Variants in AGBL4 observed in about 807,000 individuals in gnomAD.
AGBL4 encodes cytosolic carboxypeptidase 6.
Under a neutral mutation model 66.4 loss-of-function variants are expected in AGBL4, and 58 were observed. That is an observed-to-expected ratio of 0.87 (90% CI 0.71 to 1.09). The LOEUF (loss-of-function observed/expected upper bound fraction) is 1.09. Ranked by LOEUF, AGBL4 falls within the 50% of genes least tolerant of loss-of-function variation. AGBL4 has a pLI of 0.00. For synonymous variants in AGBL4, 234 were observed against 222.9 expected (o/e 1.05, Z -0.44); for missense variants, 579 against 631.0 (o/e 0.92, Z 0.88).
chr1:49,045,249 T>A (rs1434857710), intron 5 of AGBL4, among the ~76,000 whole-genome samples: 3 of 152,172 alleles, frequency 2.0e-5, no homozygotes, highest in Non-Finnish European at 4.4e-5. Context: ...AGCAAAAGTC[T>A]CCTTTTCTCT....
At chr1:48,737,197 T>G (rs1335853756) in intron 6 of AGBL4, among the ~76,000 whole-genome samples, 1 of 151,926 alleles carries the variant, frequency 6.6e-6, no homozygotes, top group African/African-American at 2.4e-5. Flanking sequence ...GGCAAGAGAA[T>G]CGCTTGAACC....
chr1:49,816,513 T>A (rs1354368633), intron 2 of AGBL4, among the ~76,000 whole-genome samples: 1 of 152,092 alleles, frequency 6.6e-6, no homozygotes. Context: ...TAGATATGAG[T>A]ATAGACATGG....
chr1:48,638,340 G>A (rs762158966), intron 8 of AGBL4, among the ~76,000 whole-genome samples: 15 of 152,192 alleles, frequency 9.9e-5, no homozygotes, highest in Non-Finnish European at 2.9e-5. Flanking sequence ...CTCACCAGCT[G>A]TGTGATCTTT....
chr1:49,013,901 A>G (rs1662632276), intron 5 of AGBL4, among the ~76,000 whole-genome samples: 1 of 152,178 alleles, frequency 6.6e-6, no homozygotes, highest in Non-Finnish European at 1.5e-5. Flanking sequence ...CTTAAGGTCT[A>G]CATTCTCTAG....
chr1:49,673,863 G>T (rs77767711), intron 3 of AGBL4, among the ~76,000 whole-genome samples: 4,174 of 152,018 alleles, frequency 0.027, 163 homozygotes, highest in African/African-American at 0.095. Context: ...TGCTGGAGAA[G>T]AAGTGCCTAA....
chr1:49,406,825 G>A (rs1036565380), intron 3 of AGBL4, among the ~76,000 whole-genome samples: 1 of 151,816 alleles, frequency 6.6e-6, no homozygotes, highest in Non-Finnish European at 1.5e-5. Context: ...CAGCACTTTG[G>A]GAGGCCGAGG....
At chr1:49,095,558 T>C (rs1464279426) in intron 4 of AGBL4, among the ~76,000 whole-genome samples, 7 of 152,174 alleles carry the variant, frequency 4.6e-5, no homozygotes, top group Non-Finnish European at 8.8e-5. Flanking sequence ...ATCGGATCTT[T>C]GACAAACCTG....
chr1:48,892,516 C>A (rs996150813), intron 5 of AGBL4, among the ~76,000 whole-genome samples: 4 of 152,020 alleles, frequency 2.6e-5, no homozygotes, highest in African/African-American at 9.7e-5. Flanking sequence ...TGATAAACAT[C>A]AATCAACATA....
intron 3 of AGBL4, among the ~76,000 whole-genome samples, chr1:49,547,568 C>T (rs761942414): frequency 3.3e-5 from 5 of 152,064 alleles, no homozygotes; most frequent in African/African-American, 7.2e-5. Flanking sequence ...ATGGGGATAG[C>T]GTTGAATTTG....
At chr1:49,009,782 T>C (rs1372107522) in intron 5 of AGBL4, among the ~76,000 whole-genome samples, 1 of 151,836 alleles carries the variant, frequency 6.6e-6, no homozygotes, top group Non-Finnish European at 1.5e-5. Context: ...AAAAACCACA[T>C]GATTATCTCA....
chr1:49,639,975 A>G (rs943798514), intron 3 of AGBL4, among the ~76,000 whole-genome samples: 1 of 152,132 alleles, frequency 6.6e-6, no homozygotes, highest in African/African-American at 2.4e-5. Context: ...TCAGTTTTCT[A>G]TGACTGAAGA....
chr1:49,784,688 GA>G (rs1644411270), intron 2 of AGBL4, among the ~76,000 whole-genome samples: 1 of 151,442 alleles, frequency 6.6e-6, no homozygotes, highest in Admixed American at 6.6e-5. Flanking sequence ...GTGATACTAT[GA>G]AGAAAATGAA....
chr1:48,982,829 G>C (rs1360412262), intron 5 of AGBL4, among the ~76,000 whole-genome samples: 1 of 152,074 alleles, frequency 6.6e-6, no homozygotes, highest in Non-Finnish European at 1.5e-5. Context: ...GAGTGTAAAA[G>C]TGTTCCTATT....
chr1:48,899,421 G>GTTT lies in AGBL4; in HGVS notation c.595-32194_595-32192dup, dbSNP rs113628909. Among the ~76,000 whole-genome samples, 603 of 149,028 alleles carry GTTT rather than the reference G, an allele frequency of 4.0e-3. 1 individual carries two copies. Among genetic ancestry groups the GTTT allele is most frequent in the East Asian group, 7.9e-3 (40 of 5,094 alleles). On this transcript the variant is annotated intron_variant, in intron 5 of 13. Transcript: ENST00000371839. The stretch of plus-strand genomic sequence containing the variant: ...GAAATTCTCAAACAATAAGTTAATA[G>GTTT]TTTTTTTTTTTTTCTCAGCTTCTCC...
chr1:48,882,477 T>G (rs1019582563), intron 5 of AGBL4, among the ~76,000 whole-genome samples: 2 of 152,210 alleles, frequency 1.3e-5, no homozygotes, highest in African/African-American at 2.4e-5. Context: ...TGATATGATA[T>G]GTAGTGTGTT....
intron 5 of AGBL4, among the ~76,000 whole-genome samples, chr1:48,942,553 A>G (rs1358719465): frequency 6.6e-6 from 1 of 152,220 alleles, no homozygotes; most frequent in Non-Finnish European, 1.5e-5. Flanking sequence ...CAGATGCTCA[A>G]AAATGTCAGC....
chr1:48,937,197 G>A (rs191627385), intron 5 of AGBL4, among the ~76,000 whole-genome samples: 2 of 152,326 alleles, frequency 1.3e-5, no homozygotes, highest in African/African-American at 4.8e-5. Context: ...AGCCCATTGT[G>A]CAGATGAGAA....
chr1:49,028,226 C>T (rs966043623), intron 5 of AGBL4, among the ~76,000 whole-genome samples: 3 of 152,102 alleles, frequency 2.0e-5, no homozygotes, highest in African/African-American at 7.2e-5. Context: ...GGAAAGATAG[C>T]TAAGAAGGAC....
At chr1:48,759,440 T>C in intron 6 of AGBL4, 1 of 1,295,794 alleles carries the variant, frequency 7.7e-7, no homozygotes, top group Non-Finnish European at 1.0e-6. Context: ...CCCTTCATTT[T>C]ATAAATGGGG....
Sources: gnomAD v4.1 joint callset for allele counts (sites outside exome capture counted in the v4.1 genomes callset) on GRCh38, gnomAD v4.1.1 for gene constraint, MANE v1.5 for transcripts, NCBI Gene and HGNC (gene_info 2026-07-23, HGNC 2026-07-21) for gene names.